Variants in PCSK6 observed in about 807,000 individuals in gnomAD.
PCSK6 encodes paired basic amino acid cleaving enzyme 4.
A neutral mutation model predicts 123.3 loss-of-function variants in PCSK6; 85 were observed. That is an observed-to-expected ratio of 0.69 (90% CI 0.58 to 0.83). The LOEUF (loss-of-function observed/expected upper bound fraction) is 0.83. Ranked by LOEUF, PCSK6 falls within the 40% of genes least tolerant of loss-of-function variation. The pLI, the probability that PCSK6 is intolerant of heterozygous loss-of-function variation, is 0.00. For synonymous variants in PCSK6, 508 were observed against 516.0 expected, an observed-to-expected ratio of 0.98 and a Z score of 0.21; for missense variants, 1,191 against 1,282.3, an observed-to-expected ratio of 0.93 and a Z score of 1.09.
chr15:101,403,417 A>G, intron 6 of PCSK6, among the ~76,000 whole-genome samples: 1 of 96,364 alleles, frequency 1.0e-5, no homozygotes, highest in South Asian at 3.2e-4. Context: ...AACTTAAAGT[A>G]TAATAATAAT....
chr15:101,376,457 A>G (rs2041745676), intron 11 of PCSK6, among the ~76,000 whole-genome samples: 1 of 152,150 alleles, frequency 6.6e-6, no homozygotes, highest in African/African-American at 2.4e-5. Context: ...GATCTATGTT[A>G]AATAAGCTGT....
At chr15:101,449,443 T>C (rs757953481) in intron 1 of PCSK6, among the ~76,000 whole-genome samples, 8 of 152,188 alleles carry the variant, frequency 5.3e-5, no homozygotes, top group Non-Finnish European at 1.0e-4. Context: ...TACACGTGTA[T>C]ATACATATCC....
At chr15:101,468,130 TAA>T (rs1257261770) in intron 1 of PCSK6, among the ~76,000 whole-genome samples, 1 of 152,250 alleles carries the variant, frequency 6.6e-6, no homozygotes, top group African/African-American at 2.4e-5. Context: ...CTAATTGGGT[TAA>T]GTCATCTGAA....
intron 12 of PCSK6, among the ~76,000 whole-genome samples, chr15:101,368,171 G>A (rs1346659070): frequency 6.6e-6 from 1 of 152,216 alleles, no homozygotes; most frequent in East Asian, 1.9e-4. Context: ...CAGCCAAGGG[G>A]TGGCTCCCAA....
At chr15:101,469,416 C>T (rs2057547169) in intron 1 of PCSK6, among the ~76,000 whole-genome samples, 1 of 152,220 alleles carries the variant, frequency 6.6e-6, no homozygotes, top group South Asian at 2.1e-4. Context: ...ACCATTCCTT[C>T]ATAAGCTTCT....
At chr15:101,428,023 G>T in intron 5 of PCSK6, 43 bp from the exon 6 acceptor site, 1 of 1,483,352 alleles carries the variant, frequency 6.7e-7, no homozygotes, top group Non-Finnish European at 9.2e-7. Flanking sequence ...AGCCCAGCAA[G>T]TTTCAGTGAA....
intron 18 of PCSK6, among the ~76,000 whole-genome samples, chr15:101,321,865 A>G (rs1012958019): frequency 1.3e-5 from 2 of 152,280 alleles, no homozygotes; most frequent in African/African-American, 2.4e-5. Context: ...GTGTCCCCCA[A>G]AAAATTTTGA....
chr15:101,396,278 C>T (rs1363043934), intron 7 of PCSK6, among the ~76,000 whole-genome samples: 1 of 152,230 alleles, frequency 6.6e-6, no homozygotes, highest in African/African-American at 2.4e-5. Flanking sequence ...CTCAGAATTC[C>T]GAATGCAAAG....
chr15:101,484,056 T>C (rs1441256659), intron 1 of PCSK6, among the ~76,000 whole-genome samples: 1 of 152,196 alleles, frequency 6.6e-6, no homozygotes, highest in African/African-American at 2.4e-5. Flanking sequence ...CGTGTGTTTA[T>C]ATATTATACG....
chr15:101,308,139 A>C (rs995540344), intron 20 of PCSK6: 3 of 152,290 alleles, frequency 2.0e-5, no homozygotes, highest in African/African-American at 7.2e-5. Context: ...CGAGTGCTTG[A>C]AGGAGCACGT....
chr15:101,322,723 T>C, intron 17 of PCSK6, 116 bp from the exon 18 acceptor site: 1 of 677,502 alleles, frequency 1.5e-6, no homozygotes, highest in South Asian at 1.7e-5. Context: ...GTTCCCCGAG[T>C]CCACCTCCGG....
chr15:101,387,667 T>C (rs1350654936), intron 9 of PCSK6, among the ~76,000 whole-genome samples: 1 of 152,236 alleles, frequency 6.6e-6, no homozygotes, highest in Non-Finnish European at 1.5e-5. Flanking sequence ...CCAACACGTA[T>C]GGGTTTTCCT....
At chr15:101,325,349 C>T (rs936829452) in intron 16 of PCSK6, among the ~76,000 whole-genome samples, 4 of 152,206 alleles carry the variant, frequency 2.6e-5, no homozygotes, top group Non-Finnish European at 5.9e-5. Context: ...TCGGCTCTGG[C>T]AAAACCCTCT....
intron 1 of PCSK6, among the ~76,000 whole-genome samples, chr15:101,456,704 A>G (rs2057192404): frequency 6.6e-6 from 1 of 152,186 alleles, no homozygotes; most frequent in Non-Finnish European, 1.5e-5. Flanking sequence ...ACATTCTTAG[A>G]AGCTGGAGTC....
At chr15:101,359,595 C>T (rs2041152174) in intron 13 of PCSK6, among the ~76,000 whole-genome samples, 1 of 152,270 alleles carries the variant, frequency 6.6e-6, no homozygotes, top group African/African-American at 2.4e-5. Context: ...ATGGCAAGCC[C>T]ATCAGTGCTA....
intron 1 of PCSK6, among the ~76,000 whole-genome samples, chr15:101,488,830 G>A (rs2058084382): frequency 6.6e-6 from 1 of 151,608 alleles, no homozygotes; most frequent in South Asian, 2.1e-4. Flanking sequence ...GACACCGAGG[G>A]AGCGCGAGTC....
In PCSK6 at chr15:101,339,707, G is replaced by A. The variant is rs118109086; in HGVS notation, c.1859-7676C>T. Among the ~76,000 whole-genome samples the A allele has an allele frequency of 1.2e-3, 182 of 152,196 alleles. 3 individuals are homozygous for A. In the East Asian group the frequency reaches 0.034, roughly 28 times the overall value. ...GGATCTCTTGAGGCCAGGAGTTCGA[G>A]ACCAGCCTGGCAACATAGTGAGACT... On this transcript the variant is annotated intron_variant, in intron 13 of 21. Coordinates refer to ENST00000611716, the MANE Select transcript of PCSK6 (RefSeq NM_002570.5).
intron 13 of PCSK6, among the ~76,000 whole-genome samples, chr15:101,356,330 C>T (rs2041039934): frequency 6.6e-6 from 1 of 152,044 alleles, no homozygotes; most frequent in African/African-American, 2.4e-5. Flanking sequence ...GGGCAAGGTC[C>T]TAGTGTTCCC....
chr15:101,372,991 G>A (rs550632672), intron 11 of PCSK6, among the ~76,000 whole-genome samples: 81 of 152,098 alleles, frequency 5.3e-4, no homozygotes, highest in African/African-American at 1.6e-3. Flanking sequence ...ATGAGAGAAC[G>A]GGAGCAGGGT....
Sources: allele counts gnomAD v4.1 joint callset (sites outside exome capture counted in the v4.1 genomes callset), GRCh38; gene constraint gnomAD v4.1.1; transcripts MANE v1.5; gene names NCBI Gene and HGNC (gene_info 2026-07-23, HGNC 2026-07-21).